SAMD5: variants seen among roughly 807,000 people sequenced by gnomAD.
SAMD5 encodes sterile alpha motif domain-containing protein 5.
SAMD5 carries 13 observed loss-of-function variants against 11.3 expected under a neutral mutation model. The ratio of observed to expected loss-of-function variants is 1.15; its 90% CI spans 0.75 to 1.83. SAMD5 has a LOEUF of 1.83. Ranked by LOEUF, SAMD5 falls within the 40% of genes most tolerant of loss-of-function variation. SAMD5 has a pLI of 0.00. For missense variants in SAMD5, 255 were observed against 239.1 expected, an observed-to-expected ratio of 1.07 and a Z score of -0.44; for synonymous variants, 129 against 111.3, an observed-to-expected ratio of 1.16 and a Z score of -1.00.
At chr6:147,816,907 G>A in the SAMD5 span, among the ~76,000 whole-genome samples, 1 of 151,618 alleles carries the variant, frequency 6.6e-6, no homozygotes, top group Non-Finnish European at 1.5e-5. Context: ...CCATGGCCTC[G>A]AAGGTCCTGT....
At chr6:147,648,978 A>C (rs1001481772) in intron 1 of SAMD5, among the ~76,000 whole-genome samples, 1 of 152,242 alleles carries the variant, frequency 6.6e-6, no homozygotes, top group Non-Finnish European at 1.5e-5. Context: ...CCTGCAATGA[A>C]GAATTAATCG....
At chr6:147,729,283 C>T (rs1263441217) in intron 1 of SAMD5, among the ~76,000 whole-genome samples, 1 of 152,182 alleles carries the variant, frequency 6.6e-6, no homozygotes, top group East Asian at 1.9e-4. Context: ...GGGGCTAGGA[C>T]TCAACATATG....
downstream of SAMD5, among the ~76,000 whole-genome samples, chr6:147,572,587 C>T (rs908102527): frequency 1.3e-5 from 2 of 152,090 alleles, no homozygotes; most frequent in East Asian, 3.9e-4. Flanking sequence ...GAGATCCTCC[C>T]ACCTCAGACT....
intron 1 of SAMD5, among the ~76,000 whole-genome samples, chr6:147,577,733 C>G (rs1175070245): frequency 6.6e-6 from 1 of 152,106 alleles, no homozygotes; most frequent in Non-Finnish European, 1.5e-5. Flanking sequence ...TATCCTTACA[C>G]TTAAAATCCC....
intron 1 of SAMD5, among the ~76,000 whole-genome samples, chr6:147,638,514 G>A (rs1179561015): frequency 1.3e-5 from 2 of 152,196 alleles, no homozygotes; most frequent in African/African-American, 4.8e-5. Flanking sequence ...AGTGACTGGT[G>A]TGTGATCGTG....
chr6:147,677,724 C>T (rs1374478769), intron 1 of SAMD5, among the ~76,000 whole-genome samples: 1 of 151,998 alleles, frequency 6.6e-6, no homozygotes, highest in African/African-American at 2.4e-5. Flanking sequence ...GGCCATGGGA[C>T]ATCGGCACTG....
chr6:147,909,523 G>A, the SAMD5 span, among the ~76,000 whole-genome samples: 3 of 151,830 alleles, frequency 2.0e-5, no homozygotes, highest in South Asian at 2.1e-4. Flanking sequence ...GAGCTCAAAC[G>A]GGGAACAGGT....
chr6:147,609,585 T>A (rs960265398), intron 1 of SAMD5, among the ~76,000 whole-genome samples: 1 of 152,204 alleles, frequency 6.6e-6, no homozygotes, highest in African/African-American at 2.4e-5. Flanking sequence ...AATCTCACCC[T>A]GTCGCACAGG....
the SAMD5 span, among the ~76,000 whole-genome samples, chr6:147,951,133 G>A: frequency 2.0e-5 from 3 of 151,460 alleles, no homozygotes; most frequent in Non-Finnish European, 4.4e-5. Context: ...AGACCAAACT[G>A]ACCCTTTCTT....
chr6:147,946,718 TCTGTAGCTGAGGTAACAGAGCCA>T, the SAMD5 span, among the ~76,000 whole-genome samples: 4 of 152,350 alleles, frequency 2.6e-5, no homozygotes, highest in Middle Eastern at 3.4e-3. Context: ...TGTTTCATGG[TCTGTAGCTGAGGTAACAGAGCCA>T]CAGTTATATT....
chr6:147,553,648 A>G (rs1402208922), intron 1 of SAMD5, among the ~76,000 whole-genome samples: 2 of 152,176 alleles, frequency 1.3e-5, no homozygotes, highest in Admixed American at 6.5e-5. Context: ...TGAATGGGTA[A>G]GGTCTCCAAT....
the SAMD5 span, among the ~76,000 whole-genome samples, chr6:147,832,215 C>T: frequency 6.6e-6 from 1 of 152,002 alleles, no homozygotes; most frequent in Admixed American, 6.6e-5. Flanking sequence ...AATTTTTGCC[C>T]TGTCTTAAGA....
chr6:147,787,407 T>G, the SAMD5 span, among the ~76,000 whole-genome samples: 1 of 152,178 alleles, frequency 6.6e-6, no homozygotes, highest in East Asian at 1.9e-4. Flanking sequence ...TTTCTGAAAT[T>G]GAAATAATTT....
chr6:147,893,434 A>C, the SAMD5 span, among the ~76,000 whole-genome samples: 3 of 152,180 alleles, frequency 2.0e-5, no homozygotes, highest in Non-Finnish European at 4.4e-5. Context: ...CCTCTTGGTT[A>C]TTATTATATA....
intron 1 of SAMD5, among the ~76,000 whole-genome samples, chr6:147,675,590 C>T (rs536615229): frequency 1.3e-5 from 2 of 152,140 alleles, no homozygotes; most frequent in South Asian, 4.2e-4. Context: ...GGAGTTTTTG[C>T]CAGTGGTTGT....
chr6:147,718,637 T>C (rs1212287825), intron 1 of SAMD5, among the ~76,000 whole-genome samples: 2 of 152,140 alleles, frequency 1.3e-5, no homozygotes, highest in Admixed American at 6.5e-5. Context: ...GGTGTGGCAT[T>C]GGTGCTGGAC....
the SAMD5 span, among the ~76,000 whole-genome samples, chr6:147,863,489 T>C: frequency 6.6e-6 from 1 of 152,228 alleles, no homozygotes; most frequent in African/African-American, 2.4e-5. Flanking sequence ...TTTTGTTACC[T>C]ACTATGAAAG....
At chr6:147,643,796 A>AAG (rs1562341154) in intron 1 of SAMD5, among the ~76,000 whole-genome samples, 1 of 78,234 alleles carries the variant, frequency 1.3e-5, no homozygotes, top group African/African-American at 3.7e-5. Context: ...AAGGAAGGAA[A>AAG]GAGAGAGAGA....
At chr6:147,547,029 G>A (rs540918732) in intron 1 of SAMD5, among the ~76,000 whole-genome samples, 1 of 152,250 alleles carries the variant, frequency 6.6e-6, no homozygotes, top group Admixed American at 6.5e-5. Context: ...GTCCCACTTT[G>A]GGTCCTGCCT....
Sources: gnomAD v4.1 joint callset for allele counts (sites outside exome capture counted in the v4.1 genomes callset) on GRCh38, gnomAD v4.1.1 for gene constraint, MANE v1.5 for transcripts, NCBI Gene and HGNC (gene_info 2026-07-23, HGNC 2026-07-21) for gene names.